The following BTBD9 variants were observed in gnomAD, a reference collection of about 807,000 sequenced individuals.
The protein encoded by BTBD9 is BTB domain containing 9, also known as BTB/POZ domain-containing protein 9.
A neutral mutation model predicts 64.3 loss-of-function variants in BTBD9; 49 were observed. The ratio of observed to expected loss-of-function variants is 0.76; its 90% CI spans 0.61 to 0.97. The LOEUF is 0.97. BTBD9 is among the 50% of genes least tolerant of loss of function. BTBD9 has a pLI of 0.00. For synonymous variants in BTBD9, 260 were observed against 274.7 expected, an observed-to-expected ratio of 0.95 and a Z score of 0.53; for missense variants, 598 against 762.1, an observed-to-expected ratio of 0.78 and a Z score of 2.53.
chr6:38,286,537 TTA>T (rs1353641153), intron 8 of BTBD9, among the ~76,000 whole-genome samples: 1 of 151,988 alleles, frequency 6.6e-6, no homozygotes, highest in African/African-American at 2.4e-5. Flanking sequence ...TATATAAACA[TTA>T]TATGTTTTCA....
chr6:38,350,327 T>C (rs545975945), intron 6 of BTBD9, among the ~76,000 whole-genome samples: 2 of 152,308 alleles, frequency 1.3e-5, no homozygotes, highest in Non-Finnish European at 2.9e-5. Context: ...CTAAGGCACA[T>C]ACAGTACACC....
chr6:38,178,876 C>CA lies in BTBD9; in HGVS notation c.1642-3695dup, dbSNP rs543714284. ...TTTATTTATTTATTTATTTATGAGA[C>CA]AGAGTCTCGCTCTGTCGCCAGGCTG... On this transcript the variant is annotated intron_variant, in intron 10 of 10. Transcript: ENST00000481247. 4.9e-3 allele frequency among the ~76,000 whole-genome samples: 734 copies of CA among 151,334 alleles called. 6 individuals carry two copies. Among genetic ancestry groups the CA allele is most frequent in the Non-Finnish European group, 7.8e-3 (533 of 67,960 alleles).
intron 6 of BTBD9, among the ~76,000 whole-genome samples, chr6:38,524,298 A>G: frequency 6.6e-6 from 1 of 152,142 alleles, no homozygotes; most frequent in African/African-American, 2.4e-5. Flanking sequence ...CAAATGATAG[A>G]ACAGTATCAG....
intron 6 of BTBD9, among the ~76,000 whole-genome samples, chr6:38,457,368 G>A (rs946325338): frequency 6.6e-6 from 1 of 152,202 alleles, no homozygotes; most frequent in South Asian, 2.1e-4. Flanking sequence ...GCAAGAAATG[G>A]TGTTGGTGTC....
chr6:38,443,620 AAC>A (rs1165640476), intron 6 of BTBD9, among the ~76,000 whole-genome samples: 1 of 152,148 alleles, frequency 6.6e-6, no homozygotes, highest in Non-Finnish European at 1.5e-5. Flanking sequence ...GTTGGCCCTG[AAC>A]ACACTCTCTT....
intron 6 of BTBD9, among the ~76,000 whole-genome samples, chr6:38,416,245 C>T (rs2127267414): frequency 6.6e-6 from 1 of 152,074 alleles, no homozygotes; most frequent in Non-Finnish European, 1.5e-5. Context: ...GTGAGCTACC[C>T]TGCCTACCCT....
intron 6 of BTBD9, among the ~76,000 whole-genome samples, chr6:38,346,772 T>C (rs564087284): frequency 1.3e-3 from 196 of 152,338 alleles, no homozygotes; most frequent in Non-Finnish European, 3.8e-4. Flanking sequence ...AATCTAATTT[T>C]GTCCATTTCC....
chr6:38,205,465 G>A (rs1268853135), intron 9 of BTBD9, among the ~76,000 whole-genome samples: 1 of 151,990 alleles, frequency 6.6e-6, no homozygotes, highest in Non-Finnish European at 1.5e-5. Context: ...AGTAAATGAA[G>A]TATGAGAACA....
chr6:38,602,677 T>A (rs999938875), intron 1 of BTBD9, among the ~76,000 whole-genome samples: 2 of 151,960 alleles, frequency 1.3e-5, no homozygotes, highest in Non-Finnish European at 2.9e-5. Context: ...GCCACAAAAT[T>A]ACAAAATAAA....
chr6:38,503,678 CA>C (rs1430129849), intron 6 of BTBD9, among the ~76,000 whole-genome samples: 3 of 152,238 alleles, frequency 2.0e-5, no homozygotes, highest in South Asian at 2.1e-4. Flanking sequence ...CTCATCCCAC[CA>C]AACTAAAAAC....
intron 1 of BTBD9, among the ~76,000 whole-genome samples, chr6:38,637,616 A>T (rs1778570323): frequency 6.6e-6 from 1 of 152,176 alleles, no homozygotes; most frequent in Non-Finnish European, 1.5e-5. Context: ...TATGTCACTG[A>T]GTGTGACTGG....
At chr6:38,441,571 C>T (rs1451476761) in intron 6 of BTBD9, among the ~76,000 whole-genome samples, 6 of 151,982 alleles carry the variant, frequency 3.9e-5, no homozygotes, top group African/African-American at 9.7e-5. Flanking sequence ...CGCTACCGTG[C>T]CTGGCTAGTT....
intron 6 of BTBD9, chr6:38,481,972 C>T (rs546611287): frequency 6.6e-6 from 1 of 152,254 alleles, no homozygotes; most frequent in East Asian, 1.9e-4. Flanking sequence ...TTGCCAGGGG[C>T]AGCTTGTAAC....
intron 6 of BTBD9, among the ~76,000 whole-genome samples, chr6:38,510,648 C>T (rs1260487104): frequency 1.3e-5 from 2 of 152,146 alleles, no homozygotes; most frequent in African/African-American, 2.4e-5. Flanking sequence ...TATAGCTGTA[C>T]AAAAATATTA....
At chr6:38,307,370 G>A (rs1424195777) in intron 7 of BTBD9, among the ~76,000 whole-genome samples, 1 of 152,230 alleles carries the variant, frequency 6.6e-6, no homozygotes, top group Non-Finnish European at 1.5e-5. Context: ...ATCAGGTTAA[G>A]AAAATCACTT....
At chr6:38,629,209 G>C (rs1002840757) in intron 1 of BTBD9, among the ~76,000 whole-genome samples, 1 of 152,102 alleles carries the variant, frequency 6.6e-6, no homozygotes, top group Non-Finnish European at 1.5e-5. Flanking sequence ...TGACAATAAT[G>C]GATTCAGCAA....
intron 6 of BTBD9, among the ~76,000 whole-genome samples, chr6:38,568,351 A>C (rs1003947004): frequency 6.6e-6 from 1 of 152,220 alleles, no homozygotes; most frequent in Non-Finnish European, 1.5e-5. Context: ...TCATCCAAAA[A>C]GCAATCAATG....
chr6:38,266,897 C>A (rs559855394), intron 8 of BTBD9, among the ~76,000 whole-genome samples: 1 of 152,310 alleles, frequency 6.6e-6, no homozygotes, highest in East Asian at 1.9e-4. Flanking sequence ...ATGTTACAGA[C>A]CTTTTGGGCA....
intron 6 of BTBD9, among the ~76,000 whole-genome samples, chr6:38,533,454 A>G (rs1318230153): frequency 6.6e-6 from 1 of 152,200 alleles, no homozygotes; most frequent in African/African-American, 2.4e-5. Flanking sequence ...TTAGAATCAC[A>G]GCTGGAGACT....
Sources: allele counts gnomAD v4.1 joint callset (sites outside exome capture counted in the v4.1 genomes callset), GRCh38; gene constraint gnomAD v4.1.1; transcripts MANE v1.5; gene names NCBI Gene and HGNC (gene_info 2026-07-23, HGNC 2026-07-21).